The following ATP13A4 variants were observed in gnomAD, a reference collection of about 807,000 sequenced individuals.
ATP13A4 encodes probable cation-transporting ATPase 13A4.
ATP13A4 carries 114 observed loss-of-function variants against 142.5 expected under a neutral mutation model. That is an observed-to-expected ratio of 0.80 (90% CI 0.69 to 0.93). The LOEUF (loss-of-function observed/expected upper bound fraction) is 0.93, where lower values mean the gene tolerates loss of function less well. ATP13A4 is among the 40% of genes least tolerant of loss of function. The pLI is 0.00. For synonymous variants in ATP13A4, 488 were observed against 514.8 expected, an observed-to-expected ratio of 0.95 and a Z score of 0.70; for missense variants, 1,392 against 1,454.0, an observed-to-expected ratio of 0.96 and a Z score of 0.69.
At chr3:193,539,999 C>A (rs1722799534) in intron 1 of ATP13A4, among the ~76,000 whole-genome samples, 1 of 152,066 alleles carries the variant, frequency 6.6e-6, no homozygotes, top group Non-Finnish European at 1.5e-5. Context: ...TTGGATGTAT[C>A]TCCCCATAAG....
chr3:193,447,821 G>T (rs963735918), intron 18 of ATP13A4, among the ~76,000 whole-genome samples: 5 of 152,096 alleles, frequency 3.3e-5, no homozygotes, highest in African/African-American at 9.7e-5. Context: ...AACTGAGGAT[G>T]CTTCTTCTTC....
chr3:193,435,798 C>T (rs1275057589), intron 23 of ATP13A4, 54 bp from the exon 24 acceptor site: 6 of 1,457,566 alleles, frequency 4.1e-6, no homozygotes, highest in Non-Finnish European at 5.8e-6. Flanking sequence ...GACATAAGGT[C>T]AGTCATTCTG....
chr3:193,530,097 T>A (rs1308321708), intron 1 of ATP13A4, among the ~76,000 whole-genome samples: 1 of 152,204 alleles, frequency 6.6e-6, no homozygotes, highest in Non-Finnish European at 1.5e-5. Context: ...CAGTGTCAAA[T>A]TGGGCAAAGT....
intron 1 of ATP13A4, among the ~76,000 whole-genome samples, chr3:193,590,519 A>G (rs1724743503): frequency 6.6e-6 from 1 of 152,228 alleles, no homozygotes; most frequent in Non-Finnish European, 1.5e-5. Flanking sequence ...GTCTTAGCAC[A>G]GTTCAGGCCC....
chr3:193,511,131 A>G (rs373674497), intron 2 of ATP13A4, among the ~76,000 whole-genome samples: 17 of 152,320 alleles, frequency 1.1e-4, no homozygotes, highest in African/African-American at 3.1e-4. Context: ...ATTTAAAATG[A>G]CACACAAGAG....
At chr3:193,474,715 AG>A (rs1718854509) in intron 8 of ATP13A4, among the ~76,000 whole-genome samples, 1 of 111,580 alleles carries the variant, frequency 9.0e-6, no homozygotes, top group Non-Finnish European at 1.9e-5. Flanking sequence ...GGAAGGAAAG[AG>A]AGAGAGAAAG....
At position 193,465,134 on chromosome 3, in the gene ATP13A4, C is replaced by A; in HGVS notation, c.1273-6G>T. 6 of 1,613,366 alleles carry A rather than the reference C, an allele frequency of 3.7e-6. No individual in the cohort carries two copies. Among genetic ancestry groups the A allele is most frequent in the African/African-American group, 1.3e-5 (1 of 74,962 alleles). On this transcript the variant is annotated splice_polypyrimidine_tract_variant and splice_region_variant and intron_variant, in intron 11 of 29. Transcript: ENST00000342695. ...ACCACCTCCTCTGGAGGTTCCTGGA[C>A]GACAGTCATTCTTTAATTATTACAG...
chr3:193,461,136 T>C (rs369173150), intron 13 of ATP13A4, among the ~76,000 whole-genome samples: 44 of 152,240 alleles, frequency 2.9e-4, no homozygotes, highest in African/African-American at 1.0e-3. Flanking sequence ...AATGAATCAT[T>C]TACCTAAACA....
chr3:193,523,988 T>C (rs1721868031), intron 1 of ATP13A4, among the ~76,000 whole-genome samples: 1 of 152,190 alleles, frequency 6.6e-6, no homozygotes, highest in South Asian at 2.1e-4. Context: ...TTTTTTCCCA[T>C]GCCCACTTCC....
intron 1 of ATP13A4, among the ~76,000 whole-genome samples, chr3:193,585,433 C>T (rs954971481): frequency 2.0e-5 from 3 of 150,660 alleles, no homozygotes; most frequent in South Asian, 2.1e-4. Flanking sequence ...AAGAAAATAA[C>T]AACAACAACA....
At chr3:193,556,331 A>T (rs1485839213), upstream of ATP13A4, among the ~76,000 whole-genome samples, 1 of 152,132 alleles carries the variant, frequency 6.6e-6, no homozygotes. Context: ...CCTGACCCAA[A>T]TAACCCTAAT....
At chr3:193,418,340 G>A (rs1715221766) in intron 25 of ATP13A4, among the ~76,000 whole-genome samples, 1 of 146,528 alleles carries the variant, frequency 6.8e-6, no homozygotes, top group African/African-American at 2.5e-5. Flanking sequence ...AGAAATTAAA[G>A]TCAACTGGAT....
chr3:193,543,083 G>T (rs1297468898), intron 1 of ATP13A4, among the ~76,000 whole-genome samples: 1 of 151,232 alleles, frequency 6.6e-6, no homozygotes, highest in African/African-American at 2.4e-5. Context: ...CAGGAGAATG[G>T]CGTGAACCCA....
At chr3:193,576,470 A>G (rs1421842360) in intron 2 of ATP13A4, among the ~76,000 whole-genome samples, 1 of 149,488 alleles carries the variant, frequency 6.7e-6, no homozygotes, top group Non-Finnish European at 1.5e-5. Flanking sequence ...ACGGGGTTTC[A>G]CCCTGTTAGC....
At chr3:193,452,055 C>G (rs1394181264) in intron 17 of ATP13A4, among the ~76,000 whole-genome samples, 1 of 152,184 alleles carries the variant, frequency 6.6e-6, no homozygotes, top group Non-Finnish European at 1.5e-5. Flanking sequence ...CCTCACTATT[C>G]CCCATTGCTC....
At chr3:193,505,562 C>T (rs1032542815) in intron 2 of ATP13A4, among the ~76,000 whole-genome samples, 12 of 152,054 alleles carry the variant, frequency 7.9e-5, no homozygotes, top group Admixed American at 3.3e-4. Context: ...CTGTATGATA[C>T]AAAGTAGAAT....
chr3:193,422,064 T>C (rs1031488594), intron 25 of ATP13A4, among the ~76,000 whole-genome samples: 5 of 149,718 alleles, frequency 3.3e-5, no homozygotes, highest in Non-Finnish European at 7.4e-5. Context: ...ACTTTATCCT[T>C]AGAGACACAA....
At chr3:193,517,787 AAATG>A (rs1721507659) in intron 1 of ATP13A4, among the ~76,000 whole-genome samples, 1 of 152,186 alleles carries the variant, frequency 6.6e-6, no homozygotes, top group South Asian at 2.1e-4. Flanking sequence ...CGACTGTTTT[AAATG>A]AATGCATTTC....
At chr3:193,493,521 CG>C (rs1474749625) in intron 3 of ATP13A4, among the ~76,000 whole-genome samples, 2 of 151,920 alleles carry the variant, frequency 1.3e-5, no homozygotes. Context: ...ATAAAAAATA[CG>C]GTCTTGAAAT....
Sources: gnomAD v4.1 joint callset for allele counts (sites outside exome capture counted in the v4.1 genomes callset) on GRCh38, gnomAD v4.1.1 for gene constraint, MANE v1.5 for transcripts, NCBI Gene and HGNC (gene_info 2026-07-23, HGNC 2026-07-21) for gene names.